Variants in LOC128462377 observed in about 807,000 individuals in gnomAD.
the LOC128462377 span, among the ~76,000 whole-genome samples, chr16:89,355,188 A>T: frequency 6.6e-6 from 1 of 152,094 alleles, no homozygotes; most frequent in Admixed American, 6.5e-5. Context: ...AGGCGAACCT[A>T]TGCTGGTGAT....
At chr16:89,349,134 TAAAAAAAAA>T in the LOC128462377 span, among the ~76,000 whole-genome samples, 35 of 16,582 alleles carry the variant, frequency 2.1e-3, no homozygotes, top group South Asian at 0.014. Context: ...TCTCAAAAAG[TAAAAAAAAA>T]AAAAAAAAAA....
At chr16:89,389,348 A>G in the LOC128462377 span, among the ~76,000 whole-genome samples, 1 of 152,078 alleles carries the variant, frequency 6.6e-6, no homozygotes, top group African/African-American at 2.4e-5. Context: ...TAAACCTAAA[A>G]TTTTTCAAAA....
At chr16:89,372,734 G>A in the LOC128462377 span, 23 of 152,294 alleles carry the variant, frequency 1.5e-4, no homozygotes, top group African/African-American at 5.5e-4. Flanking sequence ...CGGGGACCCA[G>A]GACACTGTTC....
chr16:89,319,393 C>T, the LOC128462377 span, among the ~76,000 whole-genome samples: 1 of 152,244 alleles, frequency 6.6e-6, no homozygotes, highest in South Asian at 2.1e-4. Context: ...GTCGCACCCA[C>T]CAGGCAAAAT....
the LOC128462377 span, among the ~76,000 whole-genome samples, chr16:89,354,629 C>T: frequency 1.3e-5 from 2 of 152,316 alleles, no homozygotes; most frequent in South Asian, 2.1e-4. Context: ...CTCTTGTAAT[C>T]CCAGCACTTT....
At chr16:89,392,152 C>G in the LOC128462377 span, among the ~76,000 whole-genome samples, 1 of 152,360 alleles carries the variant, frequency 6.6e-6, no homozygotes, top group South Asian at 2.1e-4. Flanking sequence ...TATAAAAAAA[C>G]CGGACACAGC....
At chr16:89,415,602 T>C in the LOC128462377 span, among the ~76,000 whole-genome samples, 2 of 150,890 alleles carry the variant, frequency 1.3e-5, no homozygotes, top group Admixed American at 1.3e-4. Flanking sequence ...TAATGCCAGA[T>C]AAAACAATGG....
At chr16:89,339,787 A>ATAAG in the LOC128462377 span, 1 of 152,234 alleles carries the variant, frequency 6.6e-6, no homozygotes, top group African/African-American at 2.4e-5. Flanking sequence ...AGCCCCTTAT[A>ATAAG]TAAGCCCCAC....
chr16:89,350,944 C>A, the LOC128462377 span, among the ~76,000 whole-genome samples: 80 of 152,302 alleles, frequency 5.3e-4, no homozygotes, highest in Admixed American at 1.4e-3. Flanking sequence ...ACAGGCTCTA[C>A]CATGTAGCTT....
chr16:89,375,368 C>T, the LOC128462377 span, among the ~76,000 whole-genome samples: 1 of 152,200 alleles, frequency 6.6e-6, no homozygotes, highest in Admixed American at 6.5e-5. Context: ...ATAAATGGAT[C>T]GTTTGAGCCC....
chr16:89,358,046 T>G, the LOC128462377 span, among the ~76,000 whole-genome samples: 6 of 152,238 alleles, frequency 3.9e-5, no homozygotes, highest in Non-Finnish European at 5.9e-5. Context: ...CTCTTACTGC[T>G]TTGAACAATG....
chr16:89,388,110 G>A, the LOC128462377 span, among the ~76,000 whole-genome samples: 1 of 151,730 alleles, frequency 6.6e-6, no homozygotes, highest in African/African-American at 2.4e-5. Context: ...TCCCTGTACA[G>A]CCTTACCCAG....
the LOC128462377 span, among the ~76,000 whole-genome samples, chr16:89,368,568 T>C: frequency 2.0e-5 from 3 of 150,366 alleles, no homozygotes; most frequent in Non-Finnish European, 4.4e-5. Flanking sequence ...TTTAATTTCT[T>C]GCTCTAAGGG....
chr16:89,415,850 A>AAAAAAAAAAAAAAAAAAAAAC, the LOC128462377 span, among the ~76,000 whole-genome samples: 30 of 147,376 alleles, frequency 2.0e-4, no homozygotes, highest in Non-Finnish European at 3.7e-4. Context: ...AAAAAAAAAA[A>AAAAAAAAAAAAAAAAAAAAAC]CAATGGAGAA....
chr16:89,374,858 A>G, the LOC128462377 span, among the ~76,000 whole-genome samples: 2 of 152,202 alleles, frequency 1.3e-5, no homozygotes, highest in Non-Finnish European at 2.9e-5. Flanking sequence ...TTCAACAAAT[A>G]CACTGAAAAA....
the LOC128462377 span, among the ~76,000 whole-genome samples, chr16:89,383,342 C>G: frequency 6.6e-6 from 1 of 152,244 alleles, no homozygotes; most frequent in Admixed American, 6.5e-5. Flanking sequence ...GGAGGGGCAG[C>G]AGCAGCCCCA....
the LOC128462377 span, among the ~76,000 whole-genome samples, chr16:89,330,595 G>A: frequency 3.4e-5 from 5 of 147,280 alleles, no homozygotes; most frequent in South Asian, 2.2e-4. Flanking sequence ...ACCTAGTATC[G>A]GAAGCAAGGG....
At chr16:89,377,841 C>A in the LOC128462377 span, among the ~76,000 whole-genome samples, 1 of 151,980 alleles carries the variant, frequency 6.6e-6, no homozygotes. Flanking sequence ...GCCTCTCCTG[C>A]CTCCCCTTCT....
chr16:89,324,280 G>GC, the LOC128462377 span: 1 of 1,249,516 alleles, frequency 8.0e-7, no homozygotes, highest in African/African-American at 1.5e-5. Context: ...GGAGCCCCGT[G>GC]CTCCGGAACA....
Sources: allele counts gnomAD v4.1 joint callset (sites outside exome capture counted in the v4.1 genomes callset), GRCh38; gene constraint gnomAD v4.1.1; transcripts MANE v1.5.